Variants in GABRG3 observed in about 807,000 individuals in gnomAD.
GABRG3 encodes gamma-aminobutyric acid receptor subunit gamma-3.
A neutral mutation model predicts 48.8 loss-of-function variants in GABRG3; 25 were observed. The observed-to-expected ratio is 0.51, with a 90% CI of 0.37 to 0.72. GABRG3 has a LOEUF of 0.72. GABRG3 is among the 30% of genes least tolerant of loss of function. GABRG3 has a pLI of 0.00. For synonymous variants in GABRG3, 227 were observed against 217.6 expected (o/e 1.04, Z -0.38); for missense variants, 394 against 577.9 (o/e 0.68, Z 3.26).
rs146595788 is a variant in GABRG3 at position 27,170,875 on chromosome 15, G to T, written c.270+144054G>T. Among the ~76,000 whole-genome samples the T allele has an allele frequency of 5.3e-5, 8 of 152,334 alleles. No homozygotes were observed. In the East Asian group the frequency reaches 1.5e-3, roughly 29 times the overall value. On this transcript the variant is annotated intron_variant, in intron 3 of 9. Transcript: ENST00000615808. ...ATGTAAAAATGTGCCAATTACCAGT[G>T]TATTATTTATGCGTCCCCAAATAGA...
At chr15:26,982,221 A>G (rs1895068995) in intron 2 of GABRG3, among the ~76,000 whole-genome samples, 2 of 152,236 alleles carry the variant, frequency 1.3e-5, no homozygotes, top group Admixed American at 1.3e-4. Flanking sequence ...ATATGTTACT[A>G]ATTTCCTCCT....
At chr15:27,486,977 G>T (rs1266239136) in intron 6 of GABRG3, among the ~76,000 whole-genome samples, 1 of 152,144 alleles carries the variant, frequency 6.6e-6, no homozygotes, top group Non-Finnish European at 1.5e-5. Flanking sequence ...AGCTCTTGTA[G>T]AAGAAATTCA....
At chr15:27,025,637 A>G (rs575095892) in intron 2 of GABRG3, among the ~76,000 whole-genome samples, 3 of 152,348 alleles carry the variant, frequency 2.0e-5, no homozygotes, top group South Asian at 4.1e-4. Flanking sequence ...CCCAGGGCAC[A>G]GACCAGTTTA....
At chr15:27,294,181 A>G (rs1205417778) in intron 3 of GABRG3, among the ~76,000 whole-genome samples, 3 of 151,088 alleles carry the variant, frequency 2.0e-5, no homozygotes, top group African/African-American at 4.9e-5. Flanking sequence ...GATCCCTGTC[A>G]TCTGTAATCT....
intron 3 of GABRG3, among the ~76,000 whole-genome samples, chr15:27,169,130 C>T (rs1040379975): frequency 2.0e-5 from 3 of 152,154 alleles, no homozygotes; most frequent in Non-Finnish European, 4.4e-5. Flanking sequence ...CAGGGAAGAG[C>T]CACTAGTCTC....
At chr15:27,041,737 G>A (rs887219540) in intron 3 of GABRG3, among the ~76,000 whole-genome samples, 1 of 152,138 alleles carries the variant, frequency 6.6e-6, no homozygotes, top group African/African-American at 2.4e-5. Flanking sequence ...CATGTGTCTG[G>A]TCACCAGATG....
At chr15:27,154,430 G>A (rs1898380351) in intron 3 of GABRG3, among the ~76,000 whole-genome samples, 1 of 152,116 alleles carries the variant, frequency 6.6e-6, no homozygotes, top group Non-Finnish European at 1.5e-5. Context: ...CTCAAGGGGG[G>A]AAATATTCAG....
At chr15:27,006,233 G>A (rs1457832824) in intron 2 of GABRG3, among the ~76,000 whole-genome samples, 1 of 151,720 alleles carries the variant, frequency 6.6e-6, no homozygotes, top group African/African-American at 2.4e-5. Context: ...ACAGGGTCTC[G>A]CTTTGTCGTC....
chr15:27,175,825 C>T (rs1340778818), intron 3 of GABRG3, among the ~76,000 whole-genome samples: 1 of 152,134 alleles, frequency 6.6e-6, no homozygotes, highest in African/African-American at 2.4e-5. Flanking sequence ...TCTAGTTCAC[C>T]TGTAAGTGCT....
At chr15:27,391,625 C>CA (rs1160661013) in intron 5 of GABRG3, among the ~76,000 whole-genome samples, 1 of 151,928 alleles carries the variant, frequency 6.6e-6, no homozygotes, top group Non-Finnish European at 1.5e-5. Flanking sequence ...CTCTGTTTTG[C>CA]AAAAAATAGG....
chr15:26,988,462 T>A (rs948866594), intron 2 of GABRG3, among the ~76,000 whole-genome samples: 6 of 152,180 alleles, frequency 3.9e-5, no homozygotes, highest in Non-Finnish European at 5.9e-5. Context: ...CTTCAGCTTT[T>A]CTTTGACTAG....
chr15:27,088,972 C>T (rs538459715), intron 3 of GABRG3, among the ~76,000 whole-genome samples: 11 of 152,018 alleles, frequency 7.2e-5, no homozygotes, highest in Non-Finnish European at 1.2e-4. Context: ...CATTGAAGCC[C>T]GATGAACACG....
intron 3 of GABRG3, 112 bp downstream of exon 3, chr15:27,026,933 C>T: frequency 1.6e-6 from 1 of 633,200 alleles, no homozygotes; most frequent in Non-Finnish European, 2.6e-6. Flanking sequence ...CTCACACTGA[C>T]TTCTTAAATC....
At chr15:27,429,424 A>G (rs756709334) in intron 5 of GABRG3, among the ~76,000 whole-genome samples, 3 of 152,186 alleles carry the variant, frequency 2.0e-5, no homozygotes, top group African/African-American at 4.8e-5. Context: ...CACAACTTTA[A>G]TGAGATATAA....
intron 1 of GABRG3, among the ~76,000 whole-genome samples, chr15:26,973,632 G>A (rs1028697005): frequency 1.3e-5 from 2 of 152,176 alleles, no homozygotes; most frequent in African/African-American, 2.4e-5. Flanking sequence ...CCCCAGAAGG[G>A]GGGACTCCCC....
intron 5 of GABRG3, chr15:27,420,855 G>T (rs1051863032): frequency 3.3e-5 from 5 of 152,122 alleles, no homozygotes; most frequent in Admixed American, 3.3e-4. Flanking sequence ...GTAGTGCCAA[G>T]GAAATACACA....
At chr15:27,197,537 C>T (rs1284880341) in intron 3 of GABRG3, among the ~76,000 whole-genome samples, 2 of 151,622 alleles carry the variant, frequency 1.3e-5, no homozygotes, top group African/African-American at 2.4e-5. Context: ...CTGGAGGCAG[C>T]GGCCTTCAGG....
chr15:27,409,030 T>C (rs1246473722), intron 5 of GABRG3, among the ~76,000 whole-genome samples: 1 of 152,096 alleles, frequency 6.6e-6, no homozygotes, highest in East Asian at 1.9e-4. Flanking sequence ...ACCTTTCTGG[T>C]CCTTTTTTTT....
intron 3 of GABRG3, among the ~76,000 whole-genome samples, chr15:27,122,475 G>A (rs553631554): frequency 6.6e-6 from 1 of 152,178 alleles, no homozygotes; most frequent in Non-Finnish European, 1.5e-5. Flanking sequence ...TTCAAACCCA[G>A]CATCTGCACT....
Sources: gnomAD v4.1 joint callset for allele counts (sites outside exome capture counted in the v4.1 genomes callset) on GRCh38, gnomAD v4.1.1 for gene constraint, MANE v1.5 for transcripts, NCBI Gene and HGNC (gene_info 2026-07-23, HGNC 2026-07-21) for gene names.